Variants in MCUB observed in about 807,000 individuals in gnomAD.
The protein encoded by MCUB is calcium uniporter regulatory subunit MCUb, mitochondrial.
In MCUB, 46 loss-of-function variants were observed where a neutral mutation model predicts 41.4. The ratio of observed to expected loss-of-function variants is 1.11; its 90% CI spans 0.88 to 1.42. The LOEUF is 1.42. Among genes scored for constraint, MCUB ranks in the 40% most tolerant of loss-of-function variants. MCUB has a pLI of 0.00. For synonymous variants in MCUB, 148 were observed against 148.2 expected (o/e 1.00, Z 0.01); for missense variants, 403 against 404.9 (o/e 1.00, Z 0.04).
chr4:109,685,276 G>C lies in MCUB; in HGVS notation c.842G>C (p.Ser281Thr). The C allele has an allele frequency of 6.6e-7, 1 of 1,514,152 alleles. No individual in the cohort carries two copies. The highest frequency in any genetic ancestry group is 1.1e-5 in the South Asian group (1 of 88,986). 93.8% of individuals were successfully genotyped at this position (1,514,152 alleles called of 1,614,324 possible). ...RQDYTYSAVKSRQFLQFFHKK... is the reference protein window; with the variant it reads ...RQDYTYSAVKTRQFLQFFHKK... Reference sequence around the variant, plus strand: ...GATTATACTTACTCAGCTGTTAAGAGTAGGCAATTTCTTCAGTTCTTCCAC... The same window carrying C: ...GATTATACTTACTCAGCTGTTAAGACTAGGCAATTTCTTCAGTTCTTCCAC... The change falls in exon 7 of 8, where the codon AGT (serine) becomes ACT (threonine). Residue 281 changes from serine (S) to threonine (T), a missense_variant. Transcript: ENST00000394650.
intron 1 of MCUB, among the ~76,000 whole-genome samples, chr4:109,569,427 ATTAACAAAAT>A (rs1333771009): frequency 1.3e-5 from 2 of 151,888 alleles, no homozygotes; most frequent in Non-Finnish European, 2.9e-5. Context: ...AAAGGGCATA[ATTAACAAAAT>A]TTAACAAAAT....
chr4:109,674,473 A>G (rs1408604532), intron 4 of MCUB, among the ~76,000 whole-genome samples: 1 of 152,214 alleles, frequency 6.6e-6, no homozygotes, highest in African/African-American at 2.4e-5. Flanking sequence ...AGAATCTCAC[A>G]TATTTTGGAT....
At chr4:109,569,143 T>G (rs1444509266) in intron 1 of MCUB, among the ~76,000 whole-genome samples, 1 of 151,920 alleles carries the variant, frequency 6.6e-6, no homozygotes, top group East Asian at 1.9e-4. Context: ...GCCTCCCGGG[T>G]TCACGCCATT....
At chr4:109,638,411 T>TAA (rs60114567) in intron 1 of MCUB, among the ~76,000 whole-genome samples, 84 of 138,342 alleles carry the variant, frequency 6.1e-4, no homozygotes, top group African/African-American at 1.0e-3. Flanking sequence ...GCATTATATC[T>TAA]AAAAAAAAAA....
chr4:109,641,186 G>A (rs1022255351), intron 1 of MCUB, among the ~76,000 whole-genome samples: 2 of 151,954 alleles, frequency 1.3e-5, no homozygotes, highest in Admixed American at 1.3e-4. Context: ...TTCGCCTCCC[G>A]GGTTCACGCC....
intron 1 of MCUB, among the ~76,000 whole-genome samples, chr4:109,652,527 G>A (rs1218957542): frequency 1.1e-4 from 17 of 152,256 alleles, no homozygotes; most frequent in East Asian, 5.8e-4. Flanking sequence ...TTGAGAGGTC[G>A]CATCTGGTCA....
At chr4:109,650,100 G>A (rs571018106) in intron 1 of MCUB, among the ~76,000 whole-genome samples, 1 of 152,204 alleles carries the variant, frequency 6.6e-6, no homozygotes, top group Non-Finnish European at 1.5e-5. Context: ...TGGGTTTGAG[G>A]TGAGGTGTAA....
At chr4:109,626,781 A>G (rs1187413523) in intron 1 of MCUB, among the ~76,000 whole-genome samples, 1 of 100,784 alleles carries the variant, frequency 9.9e-6, no homozygotes, top group African/African-American at 3.9e-5. Flanking sequence ...CCATTGTGCC[A>G]TTGCACTCCA....
rs186728855 is a variant in MCUB, at chr4:109,584,431, G to T, written c.99+23995G>T. ...GGATTCATTGATTTTTTTCTGAAGG[G>T]TTTTTTGTGTCTCTGTCTCCTTCAG... On this transcript the variant is annotated intron_variant, in intron 1 of 7. Transcript: ENST00000394650. Among the ~76,000 whole-genome samples the T allele has an allele frequency of 5.7e-3, 870 of 152,142 alleles. 8 individuals carry two copies. The highest frequency in any genetic ancestry group is 0.021 in the African/African-American group (852 of 41,524).
intron 1 of MCUB, among the ~76,000 whole-genome samples, chr4:109,654,052 TTAACATCA>T (rs1561242255): frequency 2.6e-5 from 4 of 152,266 alleles, no homozygotes; most frequent in Non-Finnish European, 4.4e-5. Context: ...ATAATTTATG[TTAACATCA>T]GTTTTGGAAG....
At chr4:109,657,045 C>T (rs1323425243) in intron 1 of MCUB, among the ~76,000 whole-genome samples, 1 of 151,946 alleles carries the variant, frequency 6.6e-6, no homozygotes, top group Non-Finnish European at 1.5e-5. Context: ...TGGTGAAACC[C>T]CATCTCTACT....
At chr4:109,614,431 A>C (rs568830338) in intron 1 of MCUB, among the ~76,000 whole-genome samples, 1 of 151,994 alleles carries the variant, frequency 6.6e-6, no homozygotes, top group East Asian at 1.9e-4. Flanking sequence ...TAGTGTCTTT[A>C]CAAGAAGAAA....
Position 109,560,375 on chromosome 4 carries a change from T to C in MCUB, c.38T>C (p.Leu13Pro). 7.5e-7 allele frequency: 1 copy of C among 1,328,464 alleles called. No individual in the cohort carries two copies. The highest frequency in any genetic ancestry group is 9.6e-7 in the Non-Finnish European group (1 of 1,039,516). The allele number at this position is 1,328,464 out of a possible 1,614,324, so 82.3% of individuals were successfully genotyped here. The change falls in exon 1 of 8, where the codon CTG becomes CCG. Residue 13 changes from leucine to proline, a missense_variant. Physicochemically the swap from Leu to Pro is moderately conservative, Grantham distance 98 (BLOSUM62 -3). Transcript: ENST00000394650. The part of the protein sequence containing the change: ...QRGLWPWRTR[L>P]LPTPGTWRPA... ...GGCCTCTGGCCGTGGCGCACGCGGC[T>C]GCTGCCGACCCCTGGCACCTGGCGC...
At chr4:109,565,608 A>G (rs542811013) in intron 1 of MCUB, among the ~76,000 whole-genome samples, 1 of 152,366 alleles carries the variant, frequency 6.6e-6, no homozygotes, top group South Asian at 2.1e-4. Flanking sequence ...CGATAAAAAA[A>G]GATTCTTCTA....
intron 1 of MCUB, among the ~76,000 whole-genome samples, chr4:109,651,905 C>A (rs1295875850): frequency 6.6e-6 from 1 of 152,150 alleles, no homozygotes; most frequent in Non-Finnish European, 1.5e-5. Context: ...ATGTGGAGGC[C>A]GTCTTCATCC....
At chr4:109,637,854 A>G (rs957416354) in intron 1 of MCUB, among the ~76,000 whole-genome samples, 2 of 152,252 alleles carry the variant, frequency 1.3e-5, no homozygotes, top group African/African-American at 4.8e-5. Context: ...GAACTAATTC[A>G]TGTAACCAAA....
At chr4:109,575,879 G>A (rs1318258663) in intron 1 of MCUB, among the ~76,000 whole-genome samples, 1 of 152,152 alleles carries the variant, frequency 6.6e-6, no homozygotes, top group African/African-American at 2.4e-5. Flanking sequence ...GTCTGTGCTA[G>A]TCACACTGCT....
intron 1 of MCUB, among the ~76,000 whole-genome samples, chr4:109,614,885 C>T (rs1030010291): frequency 6.6e-6 from 1 of 152,102 alleles, no homozygotes. Context: ...ATAGTAGTCG[C>T]TTCTCTGGAT....
At chr4:109,616,684 G>C (rs1020057725) in intron 1 of MCUB, among the ~76,000 whole-genome samples, 2 of 152,064 alleles carry the variant, frequency 1.3e-5, no homozygotes, top group Non-Finnish European at 1.5e-5. Flanking sequence ...GATAATTCCA[G>C]CATTCAGAAA....
Sources: gnomAD v4.1 joint callset for allele counts (sites outside exome capture counted in the v4.1 genomes callset) on GRCh38, gnomAD v4.1.1 for gene constraint, MANE v1.5 for transcripts, NCBI Gene and HGNC (gene_info 2026-07-23, HGNC 2026-07-21) for gene names.